Variants in CAV1 observed in about 807,000 individuals in gnomAD.
The protein encoded by CAV1 is caveolin-1.
A neutral mutation model predicts 16.5 loss-of-function variants in CAV1; 10 were observed. That is an observed-to-expected ratio of 0.61 (90% CI 0.37 to 1.03). The LOEUF (loss-of-function observed/expected upper bound fraction) is 1.03, where lower values mean the gene tolerates loss of function less well. CAV1 is among the 50% of genes least tolerant of loss of function. CAV1 has a pLI of 0.01. For synonymous variants in CAV1, 76 were observed against 85.1 expected, an observed-to-expected ratio of 0.89 and a Z score of 0.59; for missense variants, 212 against 232.8, an observed-to-expected ratio of 0.91 and a Z score of 0.58.
At chr7:116,539,546 G>GA (rs371462650) in intron 2 of CAV1, among the ~76,000 whole-genome samples, 2 of 150,466 alleles carry the variant, frequency 1.3e-5, no homozygotes, top group Non-Finnish European at 3.0e-5. Context: ...AATCTTGTTG[G>GA]AAAAAAAAAT....
At chr7:116,536,776 G>A (rs917472098) in intron 2 of CAV1, among the ~76,000 whole-genome samples, 1 of 152,010 alleles carries the variant, frequency 6.6e-6, no homozygotes. Flanking sequence ...GGCCGAGGCG[G>A]GTGGATCACG....
At chr7:116,554,465 T>A (rs566409970) in intron 2 of CAV1, among the ~76,000 whole-genome samples, 24 of 152,178 alleles carry the variant, frequency 1.6e-4, no homozygotes, top group Non-Finnish European at 3.4e-4. Context: ...AGGAGAATGA[T>A]GTAACTTCCT....
intron 2 of CAV1, among the ~76,000 whole-genome samples, chr7:116,551,316 G>A (rs1794158084): frequency 6.6e-6 from 1 of 152,336 alleles, no homozygotes; most frequent in Non-Finnish European, 1.5e-5. Flanking sequence ...TCCAGATGGA[G>A]CTGGTCCTTG....
At chr7:116,537,691 G>A (rs1793852694) in intron 2 of CAV1, among the ~76,000 whole-genome samples, 3 of 152,150 alleles carry the variant, frequency 2.0e-5, no homozygotes, top group Admixed American at 1.3e-4. Flanking sequence ...CACACTGGGT[G>A]AGCAGCTTAT....
chr7:116,525,966 G>T (rs189114667), intron 1 of CAV1: 97 of 381,972 alleles, frequency 2.5e-4, no homozygotes, highest in African/African-American at 2.1e-3. Context: ...GTGCGAGGGG[G>T]ATGCGGCCAA....
chr7:116,536,587 G>C (rs182575317), intron 2 of CAV1, among the ~76,000 whole-genome samples: 4 of 152,288 alleles, frequency 2.6e-5, no homozygotes, highest in Non-Finnish European at 5.9e-5. Context: ...ACCAGCAGTG[G>C]ATCAATGTGG....
chr7:116,526,223 G>A (rs1406325411), intron 1 of CAV1: 1 of 1,023,456 alleles, frequency 9.8e-7, no homozygotes, highest in Admixed American at 5.7e-5. Flanking sequence ...CGCGGGCGGG[G>A]GCCTTCGGAC....
At chr7:116,525,464 G>A in intron 1 of CAV1, 4 of 1,350,924 alleles carry the variant, frequency 3.0e-6, no homozygotes, top group Non-Finnish European at 3.9e-6. Context: ...AAGAGGTGGA[G>A]TGCAGGGTGG....
chr7:116,555,518 AAGAGAG>A (rs1187575266), intron 2 of CAV1, among the ~76,000 whole-genome samples: 1 of 14,036 alleles, frequency 7.1e-5, no homozygotes, highest in Non-Finnish European at 1.4e-4. Context: ...GAAAGAAAGA[AAGAGAG>A]AGAGAGAGAG....
chr7:116,525,061 G>C lies in CAV1; in HGVS notation c.-2G>C, dbSNP rs1260521195. The C allele has an allele frequency of 6.2e-7, 1 of 1,614,200 alleles. No homozygotes were observed. Among genetic ancestry groups the C allele is most frequent in the South Asian group, 1.1e-5 (1 of 91,092 alleles). The stretch of plus-strand genomic sequence containing the variant: ...ACAGTTTTCATCCAGCCACGGGCCA[G>C]CATGTCTGGGGGCAAATACGTAGAC... On this transcript the variant is annotated 5_prime_UTR_variant, in exon 1 of 3. Transcript: ENST00000341049.
intron 2 of CAV1, among the ~76,000 whole-genome samples, chr7:116,530,808 T>C (rs558718337): frequency 6.6e-6 from 1 of 152,290 alleles, no homozygotes; most frequent in African/African-American, 2.4e-5. Flanking sequence ...CATGATAAGT[T>C]TGGACATCAT....
At chr7:116,525,852 G>C (rs1793545498) in intron 1 of CAV1, 1 of 994,078 alleles carries the variant, frequency 1.0e-6, no homozygotes, top group Non-Finnish European at 1.2e-6. Flanking sequence ...GCCTGGCTCC[G>C]CCAAAAATGG....
intron 2 of CAV1, among the ~76,000 whole-genome samples, chr7:116,527,333 C>T (rs1324727274): frequency 6.6e-6 from 1 of 152,156 alleles, no homozygotes; most frequent in Admixed American, 6.5e-5. Context: ...CAATGTATGC[C>T]TCTTGGTTTC....
chr7:116,550,198 CT>C (rs1053824013), intron 2 of CAV1, among the ~76,000 whole-genome samples: 2 of 152,170 alleles, frequency 1.3e-5, no homozygotes, highest in African/African-American at 4.8e-5. Flanking sequence ...ACCCCACACC[CT>C]AACCCTCTTC....
At chr7:116,525,390 A>G (rs1290364566) in intron 1 of CAV1, 33 of 1,513,200 alleles carry the variant, frequency 2.2e-5, no homozygotes, top group Non-Finnish European at 2.8e-5. Flanking sequence ...CGTTTTCTGG[A>G]TGGGTCTAGG....
At chr7:116,553,897 G>A (rs978357892) in intron 2 of CAV1, among the ~76,000 whole-genome samples, 3 of 152,184 alleles carry the variant, frequency 2.0e-5, no homozygotes, top group Non-Finnish European at 4.4e-5. Context: ...ATAGCCTGAG[G>A]ATGTTTAATT....
chr7:116,553,575 G>C (rs1211163657), intron 2 of CAV1, among the ~76,000 whole-genome samples: 1 of 152,066 alleles, frequency 6.6e-6, no homozygotes, highest in African/African-American at 2.4e-5. Context: ...GGGAGGAATA[G>C]CTCAACCTCA....
chr7:116,538,120 C>T (rs534096455), intron 2 of CAV1, among the ~76,000 whole-genome samples: 2 of 152,302 alleles, frequency 1.3e-5, no homozygotes, highest in South Asian at 4.1e-4. Flanking sequence ...TTATAAGGTT[C>T]TCAATTTGCC....
chr7:116,529,035 G>C (rs1384995426), intron 2 of CAV1, among the ~76,000 whole-genome samples: 1 of 152,004 alleles, frequency 6.6e-6, no homozygotes, highest in Non-Finnish European at 1.5e-5. Context: ...TCACCATGTT[G>C]GCCAGGCTGG....
Sources: gnomAD v4.1 joint callset for allele counts (sites outside exome capture counted in the v4.1 genomes callset) on GRCh38, gnomAD v4.1.1 for gene constraint, MANE v1.5 for transcripts, NCBI Gene and HGNC (gene_info 2026-07-23, HGNC 2026-07-21) for gene names.